Variants in ANO4 observed in about 807,000 individuals in gnomAD.
The protein encoded by ANO4 is anoctamin-4.
Under a neutral mutation model 141.9 loss-of-function variants are expected in ANO4, and 69 were observed. The ratio of observed to expected loss-of-function variants is 0.49; its 90% confidence interval spans 0.40 to 0.59. The LOEUF (loss-of-function observed/expected upper bound fraction) is 0.59. Ranked by LOEUF, ANO4 falls within the 20% of genes least tolerant of loss-of-function variation. The pLI is 0.00. For synonymous variants in ANO4, 350 were observed against 394.3 expected, an observed-to-expected ratio of 0.89 and a Z score of 1.33; for missense variants, 894 against 1,162.2, an observed-to-expected ratio of 0.77 and a Z score of 3.36.
intron 2 of ANO4, among the ~76,000 whole-genome samples, chr12:100,918,715 C>T (rs1045816069): frequency 6.6e-6 from 1 of 152,102 alleles, no homozygotes; most frequent in Non-Finnish European, 1.5e-5. Flanking sequence ...CAGTTATTTA[C>T]AGTATATAAT....
chr12:100,769,554 T>G (rs2033214570), intron 3 of ANO4, among the ~76,000 whole-genome samples: 1 of 152,188 alleles, frequency 6.6e-6, no homozygotes, highest in Admixed American at 6.5e-5. Context: ...TAAATTTGCA[T>G]AGTATTATTA....
chr12:100,876,738 C>A (rs1565960840), intron 1 of ANO4, among the ~76,000 whole-genome samples: 1 of 152,136 alleles, frequency 6.6e-6, no homozygotes, highest in South Asian at 2.1e-4. Context: ...GTTCTTGGAA[C>A]CTTTGTTGGA....
intron 15 of ANO4, among the ~76,000 whole-genome samples, chr12:101,083,014 C>A (rs1042664975): frequency 2.0e-5 from 3 of 152,096 alleles, no homozygotes; most frequent in Admixed American, 6.5e-5. Context: ...GAAATAAAAT[C>A]TCAGTTTGAT....
At chr12:100,737,709 C>G (rs954520295) in intron 2 of ANO4, among the ~76,000 whole-genome samples, 1 of 152,224 alleles carries the variant, frequency 6.6e-6, no homozygotes, top group African/African-American at 2.4e-5. Flanking sequence ...ATAGTAAGAA[C>G]AAAAATACTT....
intron 14 of ANO4, among the ~76,000 whole-genome samples, chr12:101,066,374 C>T (rs1025977043): frequency 3.3e-5 from 5 of 152,118 alleles, no homozygotes; most frequent in African/African-American, 1.2e-4. Flanking sequence ...CTAAAGACTC[C>T]ACCAAAAATC....
chr12:100,839,850 T>C (rs1223648547), intron 1 of ANO4, among the ~76,000 whole-genome samples: 1 of 152,172 alleles, frequency 6.6e-6, no homozygotes, highest in Admixed American at 6.5e-5. Flanking sequence ...TGTGCACTAA[T>C]CTAAAAAGTG....
intron 3 of ANO4, among the ~76,000 whole-genome samples, chr12:100,780,894 T>C (rs1033622155): frequency 6.6e-6 from 1 of 152,242 alleles, no homozygotes; most frequent in South Asian, 2.1e-4. Context: ...TGTTGGTCAT[T>C]GTTTGGCTTC....
intron 1 of ANO4, among the ~76,000 whole-genome samples, chr12:100,861,391 T>C (rs2038467534): frequency 6.6e-6 from 1 of 152,240 alleles, no homozygotes; most frequent in Non-Finnish European, 1.5e-5. Context: ...GTTACTGTAC[T>C]GAATAGTGTA....
At chr12:100,943,888 T>C (rs778438983) in intron 5 of ANO4, among the ~76,000 whole-genome samples, 1 of 152,198 alleles carries the variant, frequency 6.6e-6, no homozygotes, top group Non-Finnish European at 1.5e-5. Flanking sequence ...TGCCTTCTTC[T>C]TTTATTCTCA....
At chr12:101,082,032 A>G (rs142019698) in intron 15 of ANO4, among the ~76,000 whole-genome samples, 2 of 152,220 alleles carry the variant, frequency 1.3e-5, no homozygotes, top group Non-Finnish European at 2.9e-5. Context: ...GCAAGACACA[A>G]TTTGGCCTAT....
rs191263695 is a variant in ANO4 at position 100,752,021 on chromosome 12, C to A, written c.358+11916C>A. The stretch of plus-strand genomic sequence containing the variant: ...TACCTTCACACTAAAGACTTAACTT[C>A]TTTGAGCCTCAATTTCTTCATCTGT... On this transcript the variant is annotated intron_variant, in intron 3 of 29. Coordinates refer to the ANO4 transcript ENST00000644049. 5.8e-3 allele frequency among the ~76,000 whole-genome samples: 890 copies of A among 152,286 alleles called. 5 individuals are homozygous for A. Among genetic ancestry groups the A allele is most frequent in the Middle Eastern group, 0.017 (5 of 294 alleles).
chr12:100,800,822 G>A (rs4764996), intron 1 of ANO4, among the ~76,000 whole-genome samples: 18,404 of 152,178 alleles, frequency 0.12, 1,484 homozygotes, highest in East Asian at 0.39. Flanking sequence ...TTCTATGTCT[G>A]GTTCCGAAGT....
chr12:101,088,122 T>A (rs939569013), intron 17 of ANO4, among the ~76,000 whole-genome samples: 1 of 152,180 alleles, frequency 6.6e-6, no homozygotes, highest in Admixed American at 6.5e-5. Context: ...GCTCATCTGG[T>A]CTGTGTGACA....
At chr12:100,964,899 T>C (rs910914832) in intron 5 of ANO4, among the ~76,000 whole-genome samples, 7 of 152,202 alleles carry the variant, frequency 4.6e-5, no homozygotes, top group African/African-American at 1.7e-4. Context: ...ATCAGAAGTA[T>C]TACACGTCTA....
Position 101,042,343 on chromosome 12 carries a change from T to C in ANO4, c.1029T>C (p.Phe343=). 6.2e-7 allele frequency: 1 copy of C among 1,614,120 alleles called. No individual in the cohort carries two copies. The highest frequency in any genetic ancestry group is 8.5e-7 in the Non-Finnish European group (1 of 1,179,972). ...YQPLDLVRRY[F]GEKIGLYFAW... ...GTTGTGTCTTTAACAGGCGGTACTT[T>C]GGAGAGAAGATTGGGTTATATTTTG... is the stretch of plus-strand genomic sequence containing the variant. The change falls in exon 12 of 28, where the codon TTT becomes TTC. Residue 343 remains phenylalanine (F), a synonymous_variant. Coordinates refer to ENST00000392977, the MANE Select transcript of ANO4 (RefSeq NM_001286615.2).
chr12:100,940,188 CTTTTTCTGTTTTTTT>C (rs1450969401), intron 4 of ANO4, among the ~76,000 whole-genome samples: 1 of 148,900 alleles, frequency 6.7e-6, no homozygotes, highest in East Asian at 2.0e-4. Context: ...ATCCAAGTTT[CTTTTTCTGTTTTTTT>C]TTTTTCTGTT....
chr12:100,912,449 G>T (rs1024500888), intron 2 of ANO4, among the ~76,000 whole-genome samples: 17 of 145,898 alleles, frequency 1.2e-4, no homozygotes, highest in Non-Finnish European at 2.1e-4. Flanking sequence ...CAGGAGAATC[G>T]CTTGAATCCG....
At chr12:101,037,026 A>T in intron 9 of ANO4, 69 bp from the exon 10 acceptor site, 1 of 1,478,750 alleles carries the variant, frequency 6.8e-7, no homozygotes, top group Non-Finnish European at 9.4e-7. Flanking sequence ...CACCACACTT[A>T]TATTTGTTTT....
intron 2 of ANO4, among the ~76,000 whole-genome samples, chr12:100,737,853 A>G (rs1374976157): frequency 6.6e-6 from 1 of 152,120 alleles, no homozygotes; most frequent in Non-Finnish European, 1.5e-5. Flanking sequence ...CATCTCACAC[A>G]GAAGTGTCAC....
Sources: gnomAD v4.1 joint callset for allele counts (sites outside exome capture counted in the v4.1 genomes callset) on GRCh38, gnomAD v4.1.1 for gene constraint, MANE v1.5 for transcripts, NCBI Gene and HGNC (gene_info 2026-07-23, HGNC 2026-07-21) for gene names.